The following SPTY2D1 variants were observed in gnomAD, a reference collection of about 807,000 sequenced individuals.
SPTY2D1 encodes SPT2 chromatin protein domain containing 1, also known as protein SPT2 homolog.
In SPTY2D1, 21 loss-of-function variants were observed where a neutral mutation model predicts 64.0. The ratio of observed to expected loss-of-function variants is 0.33; its 90% CI spans 0.23 to 0.47. The LOEUF is 0.47. Among genes scored for constraint, SPTY2D1 ranks in the 20% least tolerant of loss-of-function variants. The pLI, the probability that SPTY2D1 is intolerant of heterozygous loss-of-function variation, is 1.00. For missense variants in SPTY2D1, 724 were observed against 837.2 expected, an observed-to-expected ratio of 0.86 and a Z score of 1.67; for synonymous variants, 287 against 286.8, an observed-to-expected ratio of 1.00 and a Z score of -0.01.
Position 18,609,092 on chromosome 11 carries a change from T to A in SPTY2D1, c.*769A>T, listed in dbSNP as rs1240411039. 6.6e-6 allele frequency: 1 copy of A among 151,646 alleles called. No individual in the cohort carries two copies. Among genetic ancestry groups the A allele is most frequent in the African/African-American group, 2.4e-5 (1 of 40,906 alleles). The allele number at this position is 151,646 out of a possible 1,614,324, so 9.4% of individuals were successfully genotyped here. On this transcript the variant is annotated 3_prime_UTR_variant, in exon 6 of 6. Coordinates refer to ENST00000336349, the MANE Select transcript of SPTY2D1 (RefSeq NM_194285.3). ...ATTTTTTCTTCGATATAAAAATGAA[T>A]TTTTTTAGATAAAAATCAATCAGCA...
intron 1 of SPTY2D1, among the ~76,000 whole-genome samples, chr11:18,627,469 G>A (rs996267999): frequency 3.3e-5 from 5 of 149,354 alleles, no homozygotes; most frequent in South Asian, 2.1e-4. Context: ...TTCACCGGGC[G>A]TGGTGGCTCA....
chr11:18,614,418 G>A, intron 3 of SPTY2D1, 145 bp downstream of exon 3: 10 of 822,776 alleles, frequency 1.2e-5, no homozygotes, highest in Non-Finnish European at 1.7e-5. Flanking sequence ...CAACCACAAG[G>A]CAGATAAAAC....
In SPTY2D1 at chr11:18,609,961, A is replaced by G. The variant is rs1854170653; in HGVS notation, c.1965-7T>C. 2.5e-6 allele frequency: 4 copies of G among 1,612,110 alleles called. No homozygotes were observed. Among genetic ancestry groups the G allele is most frequent in the Non-Finnish European group, 3.4e-6 (4 of 1,179,252 alleles). ...TTGCATACCCAGTCTTAAGCTGCCA[A>G]AGAATTTTTAAAGGGTATTTGTCAA... On this transcript the variant is annotated splice_polypyrimidine_tract_variant and splice_region_variant and intron_variant, in intron 5 of 5. Coordinates refer to ENST00000336349, the MANE Select transcript of SPTY2D1 (RefSeq NM_194285.3).
chr11:18,634,210 G>C lies in SPTY2D1; in HGVS notation c.48C>G (p.Val16=), dbSNP rs944828976. 1.2e-6 allele frequency: 2 copies of C among 1,614,072 alleles called. No individual in the cohort carries two copies. Among genetic ancestry groups the C allele is most frequent in the African/African-American group, 2.7e-5 (2 of 74,930 alleles). ...AGCTGCTACTTACCGGCACATTGTT[G>C]ACACCTTGTCCCTTGGAAGCTATCA... The part of the protein sequence containing the change: ...ILMIASKGQG[V]NNVPKRYSLA... Residue 16 remains valine, a synonymous_variant, in exon 1 of 6, where the codon GTC becomes GTG. Coordinates refer to ENST00000336349, the MANE Select transcript of SPTY2D1 (RefSeq NM_194285.3).
In SPTY2D1 at chr11:18,614,724, C is replaced by A; in HGVS notation, c.1550G>T (p.Ser517Ile). ...ACTAACTGTTTGCCCAGGTCCCAAG[C>A]TGCTCACTGGTCTTCCTGGGACTGA... is the stretch of plus-strand genomic sequence containing the variant. ...SNSVPGRPVS[S>I]LGPGQTVSSS... Residue 517 changes from serine (S) to isoleucine (I), a missense_variant, in exon 3 of 6, where the codon AGC becomes ATC. Ser to Ile is a moderately radical substitution (Grantham distance 142). Coordinates refer to ENST00000336349, the MANE Select transcript of SPTY2D1 (RefSeq NM_194285.3). 1 of 1,614,200 alleles carries A rather than the reference C, an allele frequency of 6.2e-7. No individual in the cohort carries two copies. The highest frequency in any genetic ancestry group is 8.5e-7 in the Non-Finnish European group (1 of 1,179,988).
intron 1 of SPTY2D1, among the ~76,000 whole-genome samples, chr11:18,618,248 C>T (rs1854333183): frequency 6.6e-6 from 1 of 152,152 alleles, no homozygotes; most frequent in African/African-American, 2.4e-5. Flanking sequence ...GCCCAATTCC[C>T]AGCAACCTTT....
chr11:18,610,789 T>C (rs1455309271), intron 5 of SPTY2D1, among the ~76,000 whole-genome samples: 2 of 151,564 alleles, frequency 1.3e-5, no homozygotes, highest in Non-Finnish European at 2.9e-5. Context: ...AAATGTAATA[T>C]ACCTACATCC....
In SPTY2D1 at chr11:18,616,033, T is replaced by C. The variant is rs564092977; in HGVS notation, c.241A>G (p.Lys81Glu). 6.2e-7 allele frequency: 1 copy of C among 1,614,084 alleles called. No individual in the cohort carries two copies. Among genetic ancestry groups the C allele is most frequent in the African/African-American group, 1.3e-5 (1 of 75,024 alleles). Residue 81 changes from lysine (K) to glutamate (E), a missense_variant, in exon 3 of 6, where the codon AAA becomes GAA. By Grantham distance (56) the Lys-to-Glu change is moderately conservative (BLOSUM62 1). Coordinates refer to ENST00000336349, the MANE Select transcript of SPTY2D1 (RefSeq NM_194285.3). ...GTCCTCTTGGCCATAGCTCTTGCTT[T>C]CTTGTCATGTTTGAGCTCAATTCGC... ...KKRIELKHDK[K>E]ARAMAKRTKD...
rs59615427 is a variant in SPTY2D1, at chr11:18,609,329, CAT to C, written c.*530_*531del. ...TACTTCAAAGTCACAGGATGACATC[CAT>C]ATGATAGTTATAAATTCTACTCTAC... On this transcript the variant is annotated 3_prime_UTR_variant, in exon 6 of 6. Transcript: ENST00000336349. 12,563 of 153,368 alleles carry C rather than the reference CAT, an allele frequency of 0.082. 1,358 individuals carry two copies. Among genetic ancestry groups the C allele is most frequent in the African/African-American group, 0.25 (10,520 of 41,450 alleles). 9.5% of individuals were successfully genotyped at this position (153,368 alleles called of 1,614,324 possible). A position where few individuals can be genotyped will look rare whatever the true frequency, so the allele number is the denominator to read the frequency against.
chr11:18,613,551 G>C (rs1381528767), intron 3 of SPTY2D1, among the ~76,000 whole-genome samples: 1 of 152,174 alleles, frequency 6.6e-6, no homozygotes, highest in Admixed American at 6.5e-5. Context: ...GTAGATGCCA[G>C]TGGCATCCCC....
intron 1 of SPTY2D1, among the ~76,000 whole-genome samples, chr11:18,632,192 T>C (rs1433674596): frequency 1.3e-5 from 2 of 151,794 alleles, no homozygotes; most frequent in Non-Finnish European, 2.9e-5. Flanking sequence ...TTAACTACAG[T>C]CTTATCCTAT....
Position 18,607,471 on chromosome 11 carries a change from G to A in SPTY2D1, c.*2390C>T, listed in dbSNP as rs1303184715. On this transcript the variant is annotated 3_prime_UTR_variant, in exon 6 of 6. Coordinates refer to ENST00000336349, the MANE Select transcript of SPTY2D1 (RefSeq NM_194285.3). The stretch of plus-strand genomic sequence containing the variant: ...ACAATCATGAAATATTACTACATTC[G>A]TGATTAACATTACCCAAAAGGCACA... 2 of 152,548 alleles carry A rather than the reference G, an allele frequency of 1.3e-5. No homozygotes were observed. Among genetic ancestry groups the A allele is most frequent in the Non-Finnish European group, 2.9e-5 (2 of 68,038 alleles). 9.4% of individuals were successfully genotyped at this position (152,548 alleles called of 1,614,324 possible).
chr11:18,620,423 G>A (rs1181522608), intron 1 of SPTY2D1, among the ~76,000 whole-genome samples: 1 of 152,082 alleles, frequency 6.6e-6, no homozygotes, highest in African/African-American at 2.4e-5. Context: ...AGGTTGTAGT[G>A]AGCCAAGATC....
rs1349632479 is a variant in SPTY2D1 at position 18,628,292 on chromosome 11, G to GT, written c.60+5905dup. On this transcript the variant is annotated intron_variant, in intron 1 of 5. Coordinates refer to ENST00000336349, the MANE Select transcript of SPTY2D1 (RefSeq NM_194285.3). ...TTTGGCTATTATGAATAATGCTGCTGTGAACATTTGTGTACAAGTTTTTAT... is the reference window on the plus strand; with the variant it reads ...TTTGGCTATTATGAATAATGCTGCTGTTGAACATTTGTGTACAAGTTTTTAT... Among the ~76,000 whole-genome samples, 10 of 152,324 alleles carry GT rather than the reference G, an allele frequency of 6.6e-5. No homozygotes were observed. The East Asian group carries it at 1.7e-3, about 26-fold the overall frequency.
At position 18,614,844 on chromosome 11, in the gene SPTY2D1, C is replaced by T. The variant is rs200291042; in HGVS notation, c.1430G>A (p.Arg477Gln). ...RPVSSPHELR[R>Q]PVSGLGPPGR... ...CGGGGGGCCCAAGCCACTCACTGGT[C>T]GTCGAAGTTCATGTGGACTGCTCAC... Residue 477 changes from arginine to glutamine, a missense_variant, in exon 3 of 6, where the codon CGA becomes CAA. Coordinates refer to ENST00000336349, the MANE Select transcript of SPTY2D1 (RefSeq NM_194285.3). The T allele has an allele frequency of 5.0e-6, 8 of 1,613,526 alleles. No homozygotes were observed. Among genetic ancestry groups the T allele is most frequent in the Admixed American group, 1.7e-5 (1 of 59,980 alleles).
chr11:18,611,352 TA>T, intron 5 of SPTY2D1, 124 bp downstream of exon 5: 1 of 835,462 alleles, frequency 1.2e-6, no homozygotes, highest in Non-Finnish European at 2.0e-6. Flanking sequence ...CCACAGCTAG[TA>T]AACAGGATTG....
Position 18,614,998 on chromosome 11 carries a change from T to A in SPTY2D1, c.1276A>T (p.Arg426Trp). 1 of 1,614,178 alleles carries A rather than the reference T, an allele frequency of 6.2e-7. No homozygotes were observed. The highest frequency in any genetic ancestry group is 1.1e-5 in the South Asian group (1 of 91,086). The change falls in exon 3 of 6, where the codon AGG (arginine) becomes TGG (tryptophan). Residue 426 changes from arginine to tryptophan, a missense_variant. Around this residue, in one of 3 missense-constraint regions of SPTY2D1, gnomAD observed 426 missense variants for 431.8 expected, o/e 0.99. Transcript: ENST00000336349. ...CCACATGTACCACTGACTGTCCGCC[T>A]AGAGGGATTTGAGTCATTGGTTGGC... ...KKPTNDSNPS[R>W]RTVSGTCGPG...
intron 1 of SPTY2D1, among the ~76,000 whole-genome samples, chr11:18,623,853 G>A (rs1029368959): frequency 3.3e-5 from 5 of 152,266 alleles, no homozygotes; most frequent in Non-Finnish European, 4.4e-5. Context: ...TGTTTTCAAA[G>A]TTCATGTTGT....
At chr11:18,619,384 T>C (rs1242105595) in intron 1 of SPTY2D1, among the ~76,000 whole-genome samples, 2 of 148,196 alleles carry the variant, frequency 1.3e-5, no homozygotes, top group Admixed American at 6.9e-5. Flanking sequence ...TTTAGGAGGC[T>C]GAGGCGGGAG....
Sources: gnomAD v4.1 joint callset for allele counts (sites outside exome capture counted in the v4.1 genomes callset) on GRCh38, gnomAD v4.1.1 for gene constraint, gnomAD v4.1.1 regional missense constraint, MANE v1.5 for transcripts, NCBI Gene and HGNC (gene_info 2026-07-23, HGNC 2026-07-21) for gene names.